CAST: variants seen among roughly 807,000 people sequenced by gnomAD.
The protein encoded by CAST is MIR583 host.
A neutral mutation model predicts 119.6 loss-of-function variants in CAST; 76 were observed. The ratio of observed to expected loss-of-function variants is 0.64; its 90% CI spans 0.53 to 0.77. CAST has a LOEUF of 0.77. CAST is among the 30% of genes least tolerant of loss of function. The probability of loss-of-function intolerance (pLI) is 0.00; values close to 1 mark genes in which losing one functional copy is unlikely to be tolerated. For synonymous variants in CAST, 319 were observed against 331.6 expected (o/e 0.96, Z 0.41); for missense variants, 953 against 946.5 (o/e 1.01, Z -0.09).
At chr5:95,992,615 G>A in the CAST span, among the ~76,000 whole-genome samples, 1 of 152,172 alleles carries the variant, frequency 6.6e-6, no homozygotes, top group Admixed American at 6.5e-5. Context: ...TGATATTCTA[G>A]ATTAGATCTT....
chr5:96,305,157 G>A, the CAST span, among the ~76,000 whole-genome samples: 4 of 152,066 alleles, frequency 2.6e-5, no homozygotes, highest in Non-Finnish European at 5.9e-5. Context: ...CCTTGAAGAG[G>A]TCCTTCACAT....
chr5:96,218,047 C>T, the CAST span, among the ~76,000 whole-genome samples: 1 of 152,250 alleles, frequency 6.6e-6, no homozygotes, highest in Non-Finnish European at 1.5e-5. Flanking sequence ...GGGGTGGCCT[C>T]TGAGTAGTAA....
At chr5:96,013,663 AC>A in the CAST span, among the ~76,000 whole-genome samples, 6 of 152,272 alleles carry the variant, frequency 3.9e-5, no homozygotes, top group East Asian at 1.2e-3. Context: ...CCTACTACAT[AC>A]CTAGGCTATA....
intron 1 of CAST, among the ~76,000 whole-genome samples, chr5:96,647,715 A>G (rs1358669039): frequency 6.6e-6 from 1 of 152,192 alleles, no homozygotes; most frequent in Non-Finnish European, 1.5e-5. Flanking sequence ...ACCGTGTGAG[A>G]GTGGAATTAC....
the CAST span, among the ~76,000 whole-genome samples, chr5:96,508,186 T>C: frequency 6.6e-6 from 1 of 152,026 alleles, no homozygotes; most frequent in South Asian, 2.1e-4. Context: ...TTTTGTTTTG[T>C]GTTTTAAATG....
chr5:96,731,473 G>GTTTT (rs201905440), intron 9 of CAST, among the ~76,000 whole-genome samples: 6 of 112,758 alleles, frequency 5.3e-5, no homozygotes, highest in African/African-American at 2.0e-4. Context: ...ATCCTTTAAG[G>GTTTT]TTTTTTTTTT....
chr5:96,608,125 C>A (rs1397758533), intron 1 of CAST, among the ~76,000 whole-genome samples: 1 of 152,184 alleles, frequency 6.6e-6, no homozygotes, highest in East Asian at 1.9e-4. Context: ...ACACCCTTCC[C>A]CCAGTCTAGT....
chr5:96,307,778 C>T, the CAST span, among the ~76,000 whole-genome samples: 1 of 152,146 alleles, frequency 6.6e-6, no homozygotes, highest in Non-Finnish European at 1.5e-5. Context: ...TGAATATTGG[C>T]CCCTACTCTA....
At chr5:96,166,376 A>G in the CAST span, among the ~76,000 whole-genome samples, 1 of 152,180 alleles carries the variant, frequency 6.6e-6, no homozygotes, top group African/African-American at 2.4e-5. Flanking sequence ...AAATTCCTGA[A>G]AATTTAACAG....
the CAST span, among the ~76,000 whole-genome samples, chr5:96,479,791 T>C: frequency 6.6e-6 from 1 of 152,074 alleles, no homozygotes; most frequent in African/African-American, 2.4e-5. Flanking sequence ...TCCATGGGCC[T>C]TACAGTCTAT....
At chr5:96,425,085 C>A in the CAST span, among the ~76,000 whole-genome samples, 1 of 148,910 alleles carries the variant, frequency 6.7e-6, no homozygotes. Context: ...AACGTAGGGT[C>A]AAGAGAAACT....
chr5:96,093,684 T>G, the CAST span, among the ~76,000 whole-genome samples: 2 of 152,200 alleles, frequency 1.3e-5, no homozygotes, highest in African/African-American at 4.8e-5. Context: ...CAGTATGGGT[T>G]TGAAGGGTCT....
At chr5:96,108,535 CG>C in the CAST span, among the ~76,000 whole-genome samples, 4 of 151,124 alleles carry the variant, frequency 2.6e-5, no homozygotes, top group Admixed American at 6.6e-5. Flanking sequence ...TTAGGCTGCT[CG>C]GGGATCAGGG....
the CAST span, among the ~76,000 whole-genome samples, chr5:96,080,855 T>A: frequency 6.6e-6 from 1 of 152,300 alleles, no homozygotes; most frequent in African/African-American, 2.4e-5. Context: ...GTGCCCCAGC[T>A]GAGCTAGGCA....
chr5:96,620,151 T>A (rs1477926885), intron 1 of CAST, among the ~76,000 whole-genome samples: 1 of 152,226 alleles, frequency 6.6e-6, no homozygotes, highest in African/African-American at 2.4e-5. Context: ...GCTACTGAAA[T>A]TCCTGCAATT....
chr5:96,594,636 G>C (rs1448316022), intron 1 of CAST, among the ~76,000 whole-genome samples: 1 of 152,034 alleles, frequency 6.6e-6, no homozygotes, highest in Non-Finnish European at 1.5e-5. Flanking sequence ...AGAAAACAAA[G>C]AATTTTCAAA....
the CAST span, among the ~76,000 whole-genome samples, chr5:96,332,107 A>G: frequency 3.3e-5 from 5 of 152,328 alleles, no homozygotes; most frequent in African/African-American, 9.6e-5. Context: ...AAAAGAGGAA[A>G]ATCAAATATG....
chr5:96,609,877 G>A (rs115996138), intron 1 of CAST, among the ~76,000 whole-genome samples: 1 of 152,068 alleles, frequency 6.6e-6, no homozygotes, highest in Non-Finnish European at 1.5e-5. Flanking sequence ...AGTCAATGCT[G>A]GAATGAGCTA....
the CAST span, among the ~76,000 whole-genome samples, chr5:96,404,002 C>G: frequency 6.6e-6 from 1 of 152,150 alleles, no homozygotes; most frequent in Non-Finnish European, 1.5e-5. Context: ...AAAAATTATT[C>G]TGATTCTTTT....
Sources: allele counts gnomAD v4.1 joint callset (sites outside exome capture counted in the v4.1 genomes callset), GRCh38; gene constraint gnomAD v4.1.1; transcripts MANE v1.5; gene names NCBI Gene and HGNC (gene_info 2026-07-23, HGNC 2026-07-21).